TM2D1: variants seen among roughly 807,000 people sequenced by gnomAD.
The protein encoded by TM2D1 is TM2 domain-containing protein 1.
TM2D1 carries 15 observed loss-of-function variants against 28.4 expected under a neutral mutation model. The observed-to-expected ratio is 0.53, with a 90% confidence interval of 0.35 to 0.81. The LOEUF (loss-of-function observed/expected upper bound fraction) is 0.81, where lower values mean the gene tolerates loss of function less well. Ranked by LOEUF, TM2D1 falls within the 40% of genes least tolerant of loss-of-function variation. The pLI, the probability that TM2D1 is intolerant of heterozygous loss-of-function variation, is 0.01. For missense variants in TM2D1, 236 were observed against 254.9 expected (o/e 0.93, Z 0.50); for synonymous variants, 93 against 96.2 (o/e 0.97, Z 0.20).
At chr1:61,700,013 G>A (rs776873510) in intron 4 of TM2D1, 4 of 975,118 alleles carry the variant, frequency 4.1e-6, no homozygotes, top group African/African-American at 1.7e-5. Flanking sequence ...CTAGTAGGCA[G>A]AGCATTCAAA....
intron 4 of TM2D1, chr1:61,697,833 C>CAA (rs1644374992): frequency 6.6e-6 from 1 of 152,114 alleles, no homozygotes; most frequent in South Asian, 2.1e-4. Flanking sequence ...GATCTGTTCT[C>CAA]TAGTTTCCTT....
chr1:61,693,636 T>C (rs1377100048), intron 5 of TM2D1, among the ~76,000 whole-genome samples: 1 of 152,196 alleles, frequency 6.6e-6, no homozygotes, highest in Non-Finnish European at 1.5e-5. Context: ...CCTTGTTTAA[T>C]TCTGGTATCT....
rs147484779 is a variant in TM2D1, at chr1:61,705,373, A to G, written c.347+3956T>C. Among the ~76,000 whole-genome samples, 1,345 of 152,110 alleles carry G rather than the reference A, an allele frequency of 8.8e-3. 21 individuals are homozygous for G. The highest frequency in any genetic ancestry group is 0.031 in the African/African-American group (1,274 of 41,482). Reference sequence around the variant, plus strand: ...GCTAATTTTTATATTTTTAGTAGAAACGGGGTTTTACCATATTGGCCAGGC... The same window carrying G: ...GCTAATTTTTATATTTTTAGTAGAAGCGGGGTTTTACCATATTGGCCAGGC... On this transcript the variant is annotated intron_variant, in intron 3 of 6. Transcript: ENST00000606498.
chr1:61,688,382 G>C (rs1019248804), intron 5 of TM2D1, among the ~76,000 whole-genome samples: 2 of 152,162 alleles, frequency 1.3e-5, no homozygotes, highest in Non-Finnish European at 2.9e-5. Context: ...TATCACACCA[G>C]GGTTAAATAA....
intron 2 of TM2D1, among the ~76,000 whole-genome samples, chr1:61,715,168 T>C (rs1267138696): frequency 6.6e-6 from 1 of 152,096 alleles, no homozygotes; most frequent in African/African-American, 2.4e-5. Context: ...ACAGAAGACA[T>C]GAGAAAATAA....
In TM2D1 at chr1:61,723,751, G is replaced by A. The variant is rs775134286; in HGVS notation, c.200C>T (p.Thr67Met). The A allele has an allele frequency of 4.7e-5, 73 of 1,558,162 alleles. No homozygotes were observed. Among genetic ancestry groups the A allele is most frequent in the African/African-American group, 1.2e-4 (9 of 73,716 alleles). Residue 67 changes from threonine (T) to methionine (M), a missense_variant, in exon 2 of 7, where the codon ACG (threonine) becomes ATG (methionine). Thr to Met is a moderately conservative substitution (Grantham distance 81). Transcript: ENST00000606498. ...GTTTGTACAGTTAACTGGTTCTTGC[G>A]TAGCGTCATTTATTTTTGGATCTTT... ...ICKDPKINDA[T>M]QEPVNCTNYT...
chr1:61,707,800 T>C (rs1002970261), intron 3 of TM2D1, among the ~76,000 whole-genome samples: 2 of 152,168 alleles, frequency 1.3e-5, no homozygotes, highest in African/African-American at 4.8e-5. Flanking sequence ...CTTGTAGCAA[T>C]AGTCTAACAG....
chr1:61,700,325 T>C (rs750818106), intron 4 of TM2D1: 2 of 1,416,160 alleles, frequency 1.4e-6, no homozygotes, highest in Non-Finnish European at 1.8e-6. Context: ...TTGTAAGTCT[T>C]CAATAAGGGC....
At chr1:61,724,617 C>G (rs1644591656) in intron 1 of TM2D1, among the ~76,000 whole-genome samples, 1 of 152,130 alleles carries the variant, frequency 6.6e-6, no homozygotes, top group Non-Finnish European at 1.5e-5. Flanking sequence ...AAGAGACTAT[C>G]CATCTTTGTA....
In TM2D1 at chr1:61,724,934, G is replaced by A. The variant is rs752760401; in HGVS notation, c.164+23C>T. On this transcript the variant is annotated intron_variant, in intron 1 of 6. Coordinates refer to ENST00000606498, the MANE Select transcript of TM2D1 (RefSeq NM_032027.3). ...CCCAACTCTACCTCGCCTCCATGGG[G>A]GGGTGTTCTCCACAGAGGATATTGT... The A allele has an allele frequency of 9.6e-6, 15 of 1,568,224 alleles. 1 individual carries two copies. In the East Asian group the frequency reaches 3.4e-4, roughly 36 times the overall value.
At chr1:61,682,892 C>CAAAAAAAAAAAAAA (rs66468339) in intron 6 of TM2D1, among the ~76,000 whole-genome samples, 2 of 60,638 alleles carry the variant, frequency 3.3e-5, no homozygotes, top group South Asian at 6.0e-4. Flanking sequence ...GACTCTGTCT[C>CAAAAAAAAAAAAAA]AAAAAAAAAA....
chr1:61,717,963 G>A (rs1382274074), intron 2 of TM2D1, among the ~76,000 whole-genome samples: 5 of 152,106 alleles, frequency 3.3e-5, no homozygotes, highest in East Asian at 1.9e-4. Context: ...GCAGTGAGCC[G>A]TGATCGCACC....
chr1:61,686,760 A>G (rs1644288448), intron 5 of TM2D1: 1 of 940,666 alleles, frequency 1.1e-6, no homozygotes, highest in Non-Finnish European at 1.3e-6. Context: ...TTATGAGTAT[A>G]TGATTGTATT....
At chr1:61,687,634 T>C (rs906351482) in intron 5 of TM2D1, among the ~76,000 whole-genome samples, 4 of 152,198 alleles carry the variant, frequency 2.6e-5, no homozygotes, top group Non-Finnish European at 4.4e-5. Context: ...AACAGCATTG[T>C]CAGTGAAGTC....
At chr1:61,708,460 T>C (rs1348907403) in intron 3 of TM2D1, among the ~76,000 whole-genome samples, 1 of 152,230 alleles carries the variant, frequency 6.6e-6, no homozygotes, top group Non-Finnish European at 1.5e-5. Context: ...CTCACTATGC[T>C]GCCCAGGCTA....
At chr1:61,691,395 T>G (rs1644323056) in intron 5 of TM2D1, among the ~76,000 whole-genome samples, 1 of 147,594 alleles carries the variant, frequency 6.8e-6, no homozygotes, top group Admixed American at 7.0e-5. Flanking sequence ...CTTGGGAGAC[T>G]GAGGCAGAAG....
rs114728295 is a variant in TM2D1 at position 61,715,234 on chromosome 1, C to G, written c.239-5797G>C. Among the ~76,000 whole-genome samples, 663 of 152,230 alleles carry G rather than the reference C, an allele frequency of 4.4e-3. 9 individuals carry two copies. Among genetic ancestry groups the G allele is most frequent in the African/African-American group, 0.015 (629 of 41,538 alleles). On this transcript the variant is annotated intron_variant, in intron 2 of 6. Coordinates refer to ENST00000606498, the MANE Select transcript of TM2D1 (RefSeq NM_032027.3). ...AGATCGAGAACTCCAAAGAGCAGGA[C>G]TTTAGAACTAGACAGATTTGGATTT...
At chr1:61,724,674 T>C (rs1644592073) in intron 1 of TM2D1, among the ~76,000 whole-genome samples, 1 of 151,956 alleles carries the variant, frequency 6.6e-6, no homozygotes, top group Non-Finnish European at 1.5e-5. Flanking sequence ...GATCTACATG[T>C]TTTACTGAAC....
At chr1:61,710,735 T>C (rs997816421) in intron 2 of TM2D1, among the ~76,000 whole-genome samples, 1 of 151,894 alleles carries the variant, frequency 6.6e-6, no homozygotes, top group Non-Finnish European at 1.5e-5. Flanking sequence ...TATAATAAAG[T>C]AAAAACAGAG....
Sources: gnomAD v4.1 joint callset for allele counts (sites outside exome capture counted in the v4.1 genomes callset) on GRCh38, gnomAD v4.1.1 for gene constraint, MANE v1.5 for transcripts, NCBI Gene and HGNC (gene_info 2026-07-23, HGNC 2026-07-21) for gene names.